QKI: variants seen among roughly 807,000 people sequenced by gnomAD.
QKI encodes the protein QKI, KH domain containing RNA binding.
QKI carries 10 observed loss-of-function variants against 39.0 expected under a neutral mutation model. The observed-to-expected ratio is 0.26, with a 90% CI of 0.16 to 0.43. The LOEUF (loss-of-function observed/expected upper bound fraction) is 0.43, where lower values mean the gene tolerates loss of function less well. Ranked by LOEUF, QKI falls within the 20% of genes least tolerant of loss-of-function variation. The probability of loss-of-function intolerance (pLI) is 1.00; values close to 1 mark genes in which losing one functional copy is unlikely to be tolerated. For missense variants in QKI, 218 were observed against 428.0 expected (o/e 0.51, Z 4.33); for synonymous variants, 204 against 155.4 (o/e 1.31, Z -2.33).
Position 163,576,050 on chromosome 6 carries a change from C to CT in QKI, c.*5341dup, listed in dbSNP as rs781283192. 3.3e-5 allele frequency: 5 copies of CT among 152,140 alleles called. No individual in the cohort carries two copies. Among genetic ancestry groups the CT allele is most frequent in the Non-Finnish European group, 7.4e-5 (5 of 68,016 alleles). 9.4% of individuals were successfully genotyped at this position (152,140 alleles called of 1,614,324 possible). On this transcript the variant is annotated 3_prime_UTR_variant, in exon 8 of 8. Transcript: ENST00000361752. ...CCAACTTTTCGAATTCACAATTTTT[C>CT]TAAGTGCATAGAGTAGTTTTTTACA...
At chr6:163,559,815 A>G (rs1371057774) in intron 4 of QKI, among the ~76,000 whole-genome samples, 1 of 152,228 alleles carries the variant, frequency 6.6e-6, no homozygotes, top group African/African-American at 2.4e-5. Flanking sequence ...AATAGAAAGG[A>G]GCACTGAGAA....
intron 7 of QKI, chr6:163,568,277 A>G: frequency 2.0e-6 from 2 of 985,138 alleles, no homozygotes; most frequent in Non-Finnish European, 2.4e-6. Context: ...TTCCCTATGT[A>G]TGCCCCCTTT....
chr6:163,546,335 A>C (rs1271493254), intron 4 of QKI, among the ~76,000 whole-genome samples: 1 of 151,906 alleles, frequency 6.6e-6, no homozygotes, highest in Admixed American at 6.6e-5. Flanking sequence ...AGTATTTGTA[A>C]TCATTCACTT....
At chr6:163,441,171 A>G (rs1226582586) in intron 1 of QKI, among the ~76,000 whole-genome samples, 1 of 152,068 alleles carries the variant, frequency 6.6e-6, no homozygotes, top group African/African-American at 2.4e-5. Context: ...ATGCCTGTAT[A>G]TTTTATTTTC....
intron 4 of QKI, among the ~76,000 whole-genome samples, chr6:163,553,124 A>T (rs1345416027): frequency 2.4e-5 from 3 of 126,438 alleles, no homozygotes; most frequent in Non-Finnish European, 3.3e-5. Context: ...ATTTTTTGAG[A>T]TGGAGTTTCA....
chr6:163,510,182 C>T (rs1288353996), intron 3 of QKI, among the ~76,000 whole-genome samples: 1 of 150,400 alleles, frequency 6.6e-6, no homozygotes, highest in Admixed American at 6.6e-5. Flanking sequence ...TGCCACTGCA[C>T]TCCAGCCTGG....
chr6:163,518,993 T>C (rs1469693882), intron 3 of QKI, among the ~76,000 whole-genome samples: 1 of 152,204 alleles, frequency 6.6e-6, no homozygotes, highest in Non-Finnish European at 1.5e-5. Flanking sequence ...CATGAATTTA[T>C]TTATAGTCTT....
intron 3 of QKI, among the ~76,000 whole-genome samples, chr6:163,479,614 C>G (rs546057099): frequency 6.6e-6 from 1 of 152,334 alleles, no homozygotes; most frequent in African/African-American, 2.4e-5. Context: ...TCGTGATCCA[C>G]CCACCTCAGC....
chr6:163,460,317 T>A (rs529700738), intron 2 of QKI, among the ~76,000 whole-genome samples: 25 of 152,222 alleles, frequency 1.6e-4, no homozygotes, highest in Non-Finnish European at 3.7e-4. Context: ...TGAATACCCA[T>A]ATTGTCAAAG....
At chr6:163,498,548 C>T (rs1031508369) in intron 3 of QKI, among the ~76,000 whole-genome samples, 1 of 151,900 alleles carries the variant, frequency 6.6e-6, no homozygotes, top group African/African-American at 2.4e-5. Flanking sequence ...TCCCTCATCC[C>T]CCTTCACTTT....
At chr6:163,490,006 A>G (rs1472675233) in intron 3 of QKI, among the ~76,000 whole-genome samples, 2 of 152,070 alleles carry the variant, frequency 1.3e-5, no homozygotes. Context: ...TGACGAGATG[A>G]TTAGGGAGTA....
At chr6:163,504,601 A>G (rs550690230) in intron 3 of QKI, among the ~76,000 whole-genome samples, 5 of 152,074 alleles carry the variant, frequency 3.3e-5, no homozygotes, top group East Asian at 1.9e-4. Flanking sequence ...ATGTATTTCT[A>G]GGTTTTGAGG....
At chr6:163,514,303 GTATT>G (rs1422118586) in intron 3 of QKI, among the ~76,000 whole-genome samples, 3 of 152,020 alleles carry the variant, frequency 2.0e-5, no homozygotes, top group Non-Finnish European at 4.4e-5. Context: ...TTGAAATACT[GTATT>G]TAAAAAATCA....
rs1330659207 is a variant in QKI at position 163,563,611 on chromosome 6, C to G, written c.826C>G (p.Pro276Ala). The G allele has an allele frequency of 6.2e-7, 1 of 1,614,048 alleles. No individual in the cohort carries two copies. Among genetic ancestry groups the G allele is most frequent in the Non-Finnish European group, 8.5e-7 (1 of 1,180,048 alleles). Residue 276 changes from proline (P) to alanine (A), a missense_variant, in exon 6 of 8, where the codon CCT becomes GCT. Physicochemically the swap from Pro to Ala is conservative, Grantham distance 27. This residue lies in a region of QKI where 117 missense variants were observed against 186.0 expected (regional missense o/e 0.63). Transcript: ENST00000361752. ...TCCTCACCCAACTGCTGCAATAGTT[C>G]CTCCAGGGCCCGAAGCTGGTTTAAT... ...GTPHPTAAIVPPGPEAGLIYT... is the reference protein window; with the variant it reads ...GTPHPTAAIVAPGPEAGLIYT...
At chr6:163,421,848 A>G (rs1334210157) in intron 1 of QKI, among the ~76,000 whole-genome samples, 1 of 151,190 alleles carries the variant, frequency 6.6e-6, no homozygotes, top group African/African-American at 2.4e-5. Context: ...GGGTTCAAAC[A>G]GTTCTCCTCC....
intron 4 of QKI, among the ~76,000 whole-genome samples, chr6:163,553,129 G>A (rs1325969055): frequency 7.3e-6 from 1 of 137,502 alleles, no homozygotes; most frequent in African/African-American, 2.7e-5. Context: ...TTGAGATGGA[G>A]TTTCACTCTT....
chr6:163,509,820 GTAGA>G (rs1779324497), intron 3 of QKI, among the ~76,000 whole-genome samples: 1 of 152,048 alleles, frequency 6.6e-6, no homozygotes, highest in Non-Finnish European at 1.5e-5. Context: ...AGTAAAAATG[GTAGA>G]TAAACACCTA....
At chr6:163,534,155 C>T (rs959990317) in intron 3 of QKI, among the ~76,000 whole-genome samples, 1 of 152,028 alleles carries the variant, frequency 6.6e-6, no homozygotes, top group Non-Finnish European at 1.5e-5. Flanking sequence ...TGAAATTATG[C>T]CAACTCTACT....
At chr6:163,528,342 A>C (rs888179932) in intron 3 of QKI, among the ~76,000 whole-genome samples, 29 of 152,106 alleles carry the variant, frequency 1.9e-4, no homozygotes, top group African/African-American at 6.5e-4. Flanking sequence ...CTGGTTTTTC[A>C]CTATTTTATG....
Sources: gnomAD v4.1 joint callset for allele counts (sites outside exome capture counted in the v4.1 genomes callset) on GRCh38, gnomAD v4.1.1 for gene constraint, gnomAD v4.1.1 regional missense constraint, MANE v1.5 for transcripts, NCBI Gene and HGNC (gene_info 2026-07-23, HGNC 2026-07-21) for gene names.